Variants in GRM7 observed in about 807,000 individuals in gnomAD.
The protein encoded by GRM7 is glutamate metabotropic receptor 7, also known as metabotropic glutamate receptor 7.
GRM7 carries 35 observed loss-of-function variants against 84.5 expected under a neutral mutation model. The ratio of observed to expected loss-of-function variants is 0.41; its 90% confidence interval spans 0.32 to 0.55. GRM7 has a LOEUF of 0.55. Ranked by LOEUF, GRM7 falls within the 20% of genes least tolerant of loss-of-function variation. GRM7 has a pLI of 0.19. For missense variants in GRM7, 1,003 were observed against 1,194.6 expected (o/e 0.84, Z 2.36); for synonymous variants, 487 against 455.1 (o/e 1.07, Z -0.89).
At chr3:6,909,410 T>A (rs1235607482) in intron 1 of GRM7, among the ~76,000 whole-genome samples, 2 of 152,114 alleles carry the variant, frequency 1.3e-5, no homozygotes, top group African/African-American at 4.8e-5. Context: ...TGGTGTCAAT[T>A]ACTAATTGGA....
chr3:7,111,210 C>T (rs915445524), intron 1 of GRM7, among the ~76,000 whole-genome samples: 2 of 152,020 alleles, frequency 1.3e-5, no homozygotes, highest in East Asian at 1.9e-4. Context: ...GAGCCTGCCA[C>T]GAGGATGGAT....
At chr3:7,493,385 G>T (rs555089755) in intron 7 of GRM7, among the ~76,000 whole-genome samples, 1 of 151,400 alleles carries the variant, frequency 6.6e-6, no homozygotes, top group East Asian at 1.9e-4. Flanking sequence ...AATGTTTCTT[G>T]GTTGATTGAT....
At chr3:7,572,823 AATATATATAT>A (rs1158871205) in intron 7 of GRM7, among the ~76,000 whole-genome samples, 451 of 12,212 alleles carry the variant, frequency 0.037, 1 homozygote, top group Non-Finnish European at 0.047. Context: ...CTCTATCTCA[AATATATATAT>A]ATATATATAT....
chr3:7,274,059 C>T (rs1231338999), intron 2 of GRM7, among the ~76,000 whole-genome samples: 1 of 151,096 alleles, frequency 6.6e-6, no homozygotes, highest in Admixed American at 6.6e-5. Flanking sequence ...TGGTCATTGC[C>T]CTAGAATTTT....
At chr3:7,017,829 T>C (rs6778811) in intron 1 of GRM7, among the ~76,000 whole-genome samples, 7,100 of 152,286 alleles carry the variant, frequency 0.047, 543 homozygotes, top group African/African-American at 0.16. Flanking sequence ...TTTGTACTTC[T>C]TGATTTCTCA....
chr3:7,255,396 T>C (rs1698157496), intron 2 of GRM7, among the ~76,000 whole-genome samples: 2 of 152,162 alleles, frequency 1.3e-5, no homozygotes, highest in African/African-American at 4.8e-5. Context: ...GTAAATGGCC[T>C]CCCCGCTTCC....
chr3:6,960,370 A>G (rs1488630158), intron 1 of GRM7, among the ~76,000 whole-genome samples: 2 of 152,176 alleles, frequency 1.3e-5, no homozygotes, highest in Non-Finnish European at 2.9e-5. Flanking sequence ...TAATCAATGT[A>G]TATAACCAAT....
At chr3:7,297,105 G>A (rs1699841651) in intron 2 of GRM7, among the ~76,000 whole-genome samples, 1 of 151,580 alleles carries the variant, frequency 6.6e-6, no homozygotes, top group African/African-American at 2.4e-5. Flanking sequence ...GATTTTAGAT[G>A]TTTCTTCTTT....
At chr3:7,083,115 C>G (rs116426922) in intron 1 of GRM7, among the ~76,000 whole-genome samples, 1,593 of 152,180 alleles carry the variant, frequency 0.01, 30 homozygotes, top group African/African-American at 0.036. Flanking sequence ...GGATAAAATG[C>G]TATTAAACAG....
intron 8 of GRM7, among the ~76,000 whole-genome samples, chr3:7,605,118 ATCATCT>A (rs1310643426): frequency 5.3e-5 from 8 of 152,158 alleles, no homozygotes; most frequent in African/African-American, 1.9e-4. Flanking sequence ...AAATTTTGGT[ATCATCT>A]GAAAAACTGC....
At chr3:6,884,792 G>A (rs1695630372) in intron 1 of GRM7, among the ~76,000 whole-genome samples, 1 of 151,962 alleles carries the variant, frequency 6.6e-6, no homozygotes, top group South Asian at 2.1e-4. Context: ...TAGAGACAGG[G>A]TTTCACCATG....
intron 1 of GRM7, among the ~76,000 whole-genome samples, chr3:7,137,191 C>A (rs555897028): frequency 1.3e-5 from 2 of 152,092 alleles, no homozygotes; most frequent in East Asian, 1.9e-4. Context: ...ATTTATGTGT[C>A]CATTTTAACT....
intron 7 of GRM7, among the ~76,000 whole-genome samples, chr3:7,557,324 C>T (rs1693813443): frequency 6.6e-6 from 1 of 152,126 alleles, no homozygotes; most frequent in African/African-American, 2.4e-5. Context: ...TTAAAATAGA[C>T]TCTAAAATTC....
At chr3:7,326,158 A>C (rs138414832) in intron 4 of GRM7, among the ~76,000 whole-genome samples, 1,637 of 149,108 alleles carry the variant, frequency 0.011, 25 homozygotes, top group African/African-American at 0.04. Flanking sequence ...ACATCTGTTG[A>C]ACAACAGTAG....
chr3:7,195,884 A>G (rs1695861414), intron 2 of GRM7, among the ~76,000 whole-genome samples: 1 of 152,114 alleles, frequency 6.6e-6, no homozygotes, highest in Non-Finnish European at 1.5e-5. Flanking sequence ...AAATGTATAA[A>G]CTTTCTAAGG....
chr3:7,253,445 T>C (rs1156731145), intron 2 of GRM7, among the ~76,000 whole-genome samples: 1 of 151,668 alleles, frequency 6.6e-6, no homozygotes, highest in Non-Finnish European at 1.5e-5. Flanking sequence ...TGAAACCCCG[T>C]CTCTACTAAA....
intron 2 of GRM7, among the ~76,000 whole-genome samples, chr3:7,229,277 T>C (rs973869039): frequency 1.3e-5 from 2 of 152,176 alleles, no homozygotes; most frequent in Non-Finnish European, 2.9e-5. Flanking sequence ...TATCATTAGA[T>C]AACTTTTTGA....
At chr3:7,232,067 T>C (rs1697213074) in intron 2 of GRM7, among the ~76,000 whole-genome samples, 1 of 152,120 alleles carries the variant, frequency 6.6e-6, no homozygotes. Flanking sequence ...AAATAGAAGA[T>C]TTCCTGGATG....
chr3:7,633,984 T>C (rs1326978251), intron 8 of GRM7, among the ~76,000 whole-genome samples: 3 of 152,206 alleles, frequency 2.0e-5, no homozygotes, highest in African/African-American at 7.2e-5. Flanking sequence ...GCTTTCCTTT[T>C]GTTCACAAGA....
Sources: gnomAD v4.1 joint callset for allele counts (sites outside exome capture counted in the v4.1 genomes callset) on GRCh38, gnomAD v4.1.1 for gene constraint, MANE v1.5 for transcripts, NCBI Gene and HGNC (gene_info 2026-07-23, HGNC 2026-07-21) for gene names.